The following NCAM2 variants were observed in gnomAD, a reference collection of about 807,000 sequenced individuals.
NCAM2 encodes the protein N-CAM-2.
In NCAM2, 30 loss-of-function variants were observed where a neutral mutation model predicts 98.1. The observed-to-expected ratio is 0.31, with a 90% CI of 0.23 to 0.41. The LOEUF is 0.41. NCAM2 is among the 10% of genes least tolerant of loss of function. The probability of loss-of-function intolerance (pLI) is 1.00; values close to 1 mark genes in which losing one functional copy is unlikely to be tolerated. For missense variants in NCAM2, 867 were observed against 1,005.8 expected (o/e 0.86, Z 1.87); for synonymous variants, 368 against 342.4 (o/e 1.07, Z -0.83).
chr21:21,014,881 T>C (rs965779601), intron 1 of NCAM2, among the ~76,000 whole-genome samples: 7 of 152,180 alleles, frequency 4.6e-5, no homozygotes, highest in Admixed American at 1.3e-4. Context: ...AGGTCACATG[T>C]CAACATTAAT....
intron 16 of NCAM2, among the ~76,000 whole-genome samples, chr21:21,517,183 C>T (rs1988759736): frequency 6.6e-6 from 1 of 152,176 alleles, no homozygotes; most frequent in South Asian, 2.1e-4. Flanking sequence ...TCAAATGCTT[C>T]TAGCTCAATA....
chr21:21,034,062 GA>G lies in NCAM2; in HGVS notation c.55+35447del, dbSNP rs373317169. The stretch of plus-strand genomic sequence containing the variant: ...ATAAGAGATAGGCAAAGGGGGGGGG[GA>G]AACAAAGATTGAGATAAGCAGATAA... On this transcript the variant is annotated intron_variant, in intron 1 of 17. Coordinates refer to ENST00000400546, the MANE Select transcript of NCAM2 (RefSeq NM_004540.5). Among the ~76,000 whole-genome samples the G allele has an allele frequency of 1.9e-3, 284 of 148,206 alleles. 1 individual carries two copies. Among genetic ancestry groups the G allele is most frequent in the Middle Eastern group, 7.0e-3 (2 of 284 alleles).
chr21:21,077,924 G>C (rs1308720215), intron 1 of NCAM2, among the ~76,000 whole-genome samples: 1 of 152,020 alleles, frequency 6.6e-6, no homozygotes, highest in African/African-American at 2.4e-5. Flanking sequence ...TAAAGTATTG[G>C]TGAGGTGTAC....
chr21:21,228,804 A>G (rs1396723191), intron 1 of NCAM2, among the ~76,000 whole-genome samples: 1 of 151,496 alleles, frequency 6.6e-6, no homozygotes, highest in African/African-American at 2.4e-5. Context: ...ATCTGCTGCA[A>G]CTTTTAACAC....
intron 1 of NCAM2, among the ~76,000 whole-genome samples, chr21:21,229,358 C>T (rs1326689729): frequency 6.6e-6 from 1 of 151,274 alleles, no homozygotes; most frequent in Non-Finnish European, 1.5e-5. Context: ...AAATTATATT[C>T]GAAATACATG....
chr21:21,308,965 C>G lies in NCAM2; in HGVS notation c.620-15418C>G, dbSNP rs73894608. On this transcript the variant is annotated intron_variant, in intron 5 of 17. Coordinates refer to ENST00000400546, the MANE Select transcript of NCAM2 (RefSeq NM_004540.5). ...TCTGCTGAAGGCTTCATCTCAGGCA[C>G]TTTAGCTTTTAATATGTAGACACAT... Among the ~76,000 whole-genome samples, 602 of 152,152 alleles carry G rather than the reference C, an allele frequency of 4.0e-3. 7 individuals are homozygous for G. The highest frequency in any genetic ancestry group is 0.014 in the African/African-American group (582 of 41,532).
At chr21:21,282,123 G>A (rs755410123) in intron 2 of NCAM2, among the ~76,000 whole-genome samples, 5 of 151,756 alleles carry the variant, frequency 3.3e-5, no homozygotes, top group African/African-American at 4.8e-5. Context: ...TTTGACACAA[G>A]CATATAGGTT....
At chr21:21,473,547 A>T (rs879528544) in intron 14 of NCAM2, among the ~76,000 whole-genome samples, 1 of 151,558 alleles carries the variant, frequency 6.6e-6, no homozygotes. Context: ...TGCTTTATAT[A>T]CATACAAAAT....
At chr21:21,470,857 A>C (rs927971022) in intron 14 of NCAM2, among the ~76,000 whole-genome samples, 1 of 152,214 alleles carries the variant, frequency 6.6e-6, no homozygotes, top group East Asian at 1.9e-4. Flanking sequence ...ACATTGTTTT[A>C]ATAGTAGAAA....
chr21:21,515,478 C>G (rs1191735516), intron 16 of NCAM2, among the ~76,000 whole-genome samples: 2 of 152,162 alleles, frequency 1.3e-5, no homozygotes, highest in African/African-American at 4.8e-5. Flanking sequence ...GTGAAATCAT[C>G]AAGATAGTCT....
intron 1 of NCAM2, chr21:21,210,534 C>A: frequency 7.8e-7 from 1 of 1,285,694 alleles, no homozygotes; most frequent in Non-Finnish European, 1.0e-6. Context: ...ACAATTTCTT[C>A]TTTCAGAGTT....
At chr21:21,129,094 A>G (rs1045216452) in intron 1 of NCAM2, among the ~76,000 whole-genome samples, 2 of 152,202 alleles carry the variant, frequency 1.3e-5, no homozygotes, top group African/African-American at 4.8e-5. Context: ...AACAAATTTT[A>G]AAACGTATAA....
intron 16 of NCAM2, among the ~76,000 whole-genome samples, chr21:21,529,741 G>A (rs1046349173): frequency 8.6e-5 from 13 of 151,678 alleles, no homozygotes; most frequent in Non-Finnish European, 1.8e-4. Context: ...TGTCTTTAAT[G>A]TGGAAACTCT....
At chr21:21,187,682 A>G (rs79745843) in intron 1 of NCAM2, among the ~76,000 whole-genome samples, 4,763 of 152,252 alleles carry the variant, frequency 0.031, 236 homozygotes, top group African/African-American at 0.11. Flanking sequence ...ATCATCACAA[A>G]ATGGTGCTAG....
At chr21:21,110,682 T>C (rs1247865661) in intron 1 of NCAM2, among the ~76,000 whole-genome samples, 2 of 151,614 alleles carry the variant, frequency 1.3e-5, no homozygotes, top group African/African-American at 4.8e-5. Context: ...TATATTTTGA[T>C]TTTATTAAAA....
chr21:21,436,506 T>C (rs1249104614), intron 12 of NCAM2, among the ~76,000 whole-genome samples: 1 of 152,226 alleles, frequency 6.6e-6, no homozygotes, highest in African/African-American at 2.4e-5. Flanking sequence ...TATAACATAT[T>C]ATATTTTATG....
At chr21:21,119,721 A>C in intron 1 of NCAM2, among the ~76,000 whole-genome samples, 1 of 152,304 alleles carries the variant, frequency 6.6e-6, no homozygotes, top group African/African-American at 2.4e-5. Context: ...CTAGGAACAA[A>C]AGAAAAACAA....
intron 8 of NCAM2, among the ~76,000 whole-genome samples, chr21:21,371,829 CA>C (rs1189408977): frequency 1.3e-5 from 2 of 151,626 alleles, no homozygotes; most frequent in East Asian, 1.9e-4. Flanking sequence ...CACTGCATCG[CA>C]GTGCCTGGTT....
chr21:21,206,471 C>A (rs1395379153), intron 1 of NCAM2, among the ~76,000 whole-genome samples: 1 of 152,088 alleles, frequency 6.6e-6, no homozygotes, highest in African/African-American at 2.4e-5. Context: ...CTGCTATGAC[C>A]TTGCAGAAAG....
Sources: gnomAD v4.1 joint callset for allele counts (sites outside exome capture counted in the v4.1 genomes callset) on GRCh38, gnomAD v4.1.1 for gene constraint, MANE v1.5 for transcripts, NCBI Gene and HGNC (gene_info 2026-07-23, HGNC 2026-07-21) for gene names.